Variants in ARHGAP18 observed in about 807,000 individuals in gnomAD.
ARHGAP18 encodes rho GTPase-activating protein 18.
ARHGAP18 carries 67 observed loss-of-function variants against 86.2 expected under a neutral mutation model. The ratio of observed to expected loss-of-function variants is 0.78; its 90% CI spans 0.64 to 0.95. The LOEUF (loss-of-function observed/expected upper bound fraction) is 0.95. Among genes scored for constraint, ARHGAP18 ranks in the 40% least tolerant of loss-of-function variants. The pLI is 0.00. For synonymous variants in ARHGAP18, 283 were observed against 280.4 expected (o/e 1.01, Z -0.09); for missense variants, 691 against 780.4 (o/e 0.89, Z 1.37).
At chr6:129,591,102 G>A (rs960884633) in intron 12 of ARHGAP18, among the ~76,000 whole-genome samples, 22 of 152,154 alleles carry the variant, frequency 1.4e-4, no homozygotes, top group African/African-American at 5.1e-4. Context: ...TTTAAATGGT[G>A]TATGAAAACC....
At position 129,600,628 on chromosome 6, in the gene ARHGAP18, T is replaced by C. The variant is rs764774168; in HGVS notation, c.1572+14A>G. ...TTTAAACTACTAAGACCAAAGCATA[T>C]GATATATACTTACTGTCCACAGAAG... is the stretch of plus-strand genomic sequence containing the variant. On this transcript the variant is annotated intron_variant, in intron 11 of 14. Transcript: ENST00000368149. 2.4e-5 allele frequency: 39 copies of C among 1,597,018 alleles called. No individual in the cohort carries two copies. Among genetic ancestry groups the C allele is most frequent in the Non-Finnish European group, 3.2e-5 (37 of 1,167,554 alleles).
chr6:129,612,180 T>TTTTTG (rs1788993928), intron 7 of ARHGAP18, among the ~76,000 whole-genome samples: 1 of 152,142 alleles, frequency 6.6e-6, no homozygotes, highest in Admixed American at 6.5e-5. Context: ...AAAAAGCATT[T>TTTTTG]TTTTGTTTTT....
At position 129,600,632 on chromosome 6, in the gene ARHGAP18, A is replaced by G; in HGVS notation, c.1572+10T>C. 6.2e-7 allele frequency: 1 copy of G among 1,609,606 alleles called. No individual in the cohort carries two copies. The highest frequency in any genetic ancestry group is 2.2e-5 in the East Asian group (1 of 44,758). ...AACTACTAAGACCAAAGCATATGATATATACTTACTGTCCACAGAAGTTTT... is the reference window on the plus strand; with the variant it reads ...AACTACTAAGACCAAAGCATATGATGTATACTTACTGTCCACAGAAGTTTT... On this transcript the variant is annotated intron_variant, in intron 11 of 14. Coordinates refer to ENST00000368149, the MANE Select transcript of ARHGAP18 (RefSeq NM_033515.3).
At chr6:129,622,660 T>C (rs2114475115) in intron 5 of ARHGAP18, among the ~76,000 whole-genome samples, 1 of 152,170 alleles carries the variant, frequency 6.6e-6, no homozygotes, top group Admixed American at 6.5e-5. Flanking sequence ...GAGAAAGCAG[T>C]GAAATTTCAG....
intron 1 of ARHGAP18, among the ~76,000 whole-genome samples, chr6:129,687,890 C>CA (rs1259654723): frequency 1.3e-5 from 2 of 152,182 alleles, no homozygotes; most frequent in East Asian, 3.8e-4. Context: ...CACCCACGGT[C>CA]AGTTAACCAA....
In ARHGAP18 at chr6:129,601,492, G is replaced by GAGAGAAA. The variant is rs144143013; in HGVS notation, c.1366-651_1366-645dup. Among the ~76,000 whole-genome samples, 1,444 of 146,630 alleles carry GAGAGAAA rather than the reference G, an allele frequency of 9.8e-3. 31 individuals carry two copies. The highest frequency in any genetic ancestry group is 0.035 in the African/African-American group (1,395 of 39,468). ...AAAAGGAAAAGAGAAGAGAAGAGAA[G>GAGAGAAA]AGAGAAAAGAGAAAAGAGAAAAGAG... is the stretch of plus-strand genomic sequence containing the variant. On this transcript the variant is annotated intron_variant, in intron 10 of 14. Coordinates refer to ENST00000368149, the MANE Select transcript of ARHGAP18 (RefSeq NM_033515.3).
At chr6:129,688,806 A>G (rs917658941) in intron 1 of ARHGAP18, among the ~76,000 whole-genome samples, 2 of 149,566 alleles carry the variant, frequency 1.3e-5, no homozygotes, top group East Asian at 1.9e-4. Context: ...AAAAAAAAAT[A>G]TGCCTTATCA....
intron 1 of ARHGAP18, among the ~76,000 whole-genome samples, chr6:129,658,968 TTTAA>T (rs1278600150): frequency 1.3e-5 from 2 of 151,828 alleles, no homozygotes; most frequent in African/African-American, 4.8e-5. Context: ...ACGAAAGTTA[TTTAA>T]TTTTTTTTTA....
At chr6:129,608,133 T>C in intron 8 of ARHGAP18, 81 bp from the exon 9 acceptor site, 1 of 1,429,344 alleles carries the variant, frequency 7.0e-7, no homozygotes, top group East Asian at 2.5e-5. Flanking sequence ...GTATGACACA[T>C]TTTCACTTTC....
At chr6:129,640,405 C>T (rs1280586224) in intron 2 of ARHGAP18, among the ~76,000 whole-genome samples, 3 of 152,170 alleles carry the variant, frequency 2.0e-5, no homozygotes, top group African/African-American at 7.2e-5. Context: ...AACATATTCT[C>T]TCCTTATTCA....
At chr6:129,653,172 TC>T (rs1278909779) in intron 1 of ARHGAP18, among the ~76,000 whole-genome samples, 1 of 151,992 alleles carries the variant, frequency 6.6e-6, no homozygotes, top group Admixed American at 6.6e-5. Context: ...AAACCAACAT[TC>T]CACCAGCCAG....
chr6:129,676,952 G>C (rs1475895454), intron 1 of ARHGAP18, among the ~76,000 whole-genome samples: 1 of 105,424 alleles, frequency 9.5e-6, no homozygotes, highest in African/African-American at 4.2e-5. Context: ...TTTTTTTAAG[G>C]AAGGAAAATA....
chr6:129,589,014 G>C (rs1788458355), intron 12 of ARHGAP18, among the ~76,000 whole-genome samples: 1 of 151,628 alleles, frequency 6.6e-6, no homozygotes, highest in Non-Finnish European at 1.5e-5. Flanking sequence ...GTGTAGAGCA[G>C]GGGAGCCCTG....
chr6:129,666,532 C>G (rs1774041139), intron 1 of ARHGAP18, among the ~76,000 whole-genome samples: 1 of 152,204 alleles, frequency 6.6e-6, no homozygotes, highest in Admixed American at 6.5e-5. Context: ...CTACTAGTTG[C>G]TCATGCTACT....
intron 1 of ARHGAP18, among the ~76,000 whole-genome samples, chr6:129,648,588 T>A (rs963665354): frequency 6.6e-6 from 1 of 151,094 alleles, no homozygotes; most frequent in Admixed American, 6.6e-5. Context: ...CCTGGGCAAC[T>A]AATAAGACAC....
chr6:129,614,071 C>T (rs1250467015), intron 7 of ARHGAP18, among the ~76,000 whole-genome samples: 1 of 152,020 alleles, frequency 6.6e-6, no homozygotes, highest in East Asian at 1.9e-4. Flanking sequence ...TTTCTATTTC[C>T]CTCATCCTTC....
chr6:129,600,196 A>T (rs976341715), intron 11 of ARHGAP18, among the ~76,000 whole-genome samples: 2 of 152,150 alleles, frequency 1.3e-5, no homozygotes, highest in African/African-American at 4.8e-5. Flanking sequence ...GAAAATGAGC[A>T]CCTAATCAAC....
intron 1 of ARHGAP18, among the ~76,000 whole-genome samples, chr6:129,655,317 C>CAAA (rs55681217): frequency 6.3e-4 from 47 of 75,036 alleles, no homozygotes; most frequent in Non-Finnish European, 8.7e-4. Context: ...AAAACTCTCT[C>CAAA]AAAAAAAAAA....
chr6:129,695,005 G>A (rs1774589357), intron 1 of ARHGAP18, among the ~76,000 whole-genome samples: 1 of 152,086 alleles, frequency 6.6e-6, no homozygotes, highest in Non-Finnish European at 1.5e-5. Context: ...TTACAAAAAA[G>A]CCTAAAATAT....
Sources: gnomAD v4.1 joint callset for allele counts (sites outside exome capture counted in the v4.1 genomes callset) on GRCh38, gnomAD v4.1.1 for gene constraint, MANE v1.5 for transcripts, NCBI Gene and HGNC (gene_info 2026-07-23, HGNC 2026-07-21) for gene names.